GALNT13: variants seen among roughly 807,000 people sequenced by gnomAD.
The protein encoded by GALNT13 is UDP-GalNAc:polypeptide N-acetylgalactosaminyltransferase 13.
GALNT13 carries 28 observed loss-of-function variants against 64.2 expected under a neutral mutation model. The observed-to-expected ratio is 0.44, with a 90% CI of 0.32 to 0.60. The LOEUF (loss-of-function observed/expected upper bound fraction) is 0.60, where lower values mean the gene tolerates loss of function less well. GALNT13 is among the 20% of genes least tolerant of loss of function. The pLI, the probability that GALNT13 is intolerant of heterozygous loss-of-function variation, is 0.05. For missense variants in GALNT13, 577 were observed against 669.8 expected (o/e 0.86, Z 1.53); for synonymous variants, 214 against 224.6 (o/e 0.95, Z 0.42).
chr2:153,874,222 A>T (rs777840443), intron 1 of GALNT13, among the ~76,000 whole-genome samples: 2 of 151,502 alleles, frequency 1.3e-5, no homozygotes, highest in Non-Finnish European at 2.9e-5. Flanking sequence ...CCTAAGGCAG[A>T]CTTTGAACAT....
At chr2:153,771,511 A>G in the GALNT13 span, among the ~76,000 whole-genome samples, 1 of 152,084 alleles carries the variant, frequency 6.6e-6, no homozygotes, top group Non-Finnish European at 1.5e-5. Flanking sequence ...TTGCACCAAG[A>G]TTTCTGCAAA....
chr2:153,744,069 T>C, the GALNT13 span, among the ~76,000 whole-genome samples: 1 of 152,142 alleles, frequency 6.6e-6, no homozygotes, highest in African/African-American at 2.4e-5. Context: ...TTTTAATCCA[T>C]CCACCTGTTG....
chr2:153,163,578 G>A, the GALNT13 span, among the ~76,000 whole-genome samples: 4 of 152,020 alleles, frequency 2.6e-5, no homozygotes, highest in South Asian at 8.3e-4. Context: ...AAATGACCCC[G>A]AGATTAACAA....
chr2:153,770,033 A>G, the GALNT13 span, among the ~76,000 whole-genome samples: 2 of 152,114 alleles, frequency 1.3e-5, no homozygotes, highest in African/African-American at 2.4e-5. Context: ...CTTCTTTAAA[A>G]TGAACATTTT....
At chr2:153,600,474 A>G in the GALNT13 span, among the ~76,000 whole-genome samples, 164 of 152,136 alleles carry the variant, frequency 1.1e-3, 1 homozygote, top group Middle Eastern at 0.01. Context: ...TTTGGCTTAT[A>G]TAACTCAATA....
At chr2:153,815,999 T>C in the GALNT13 span, among the ~76,000 whole-genome samples, 4 of 152,194 alleles carry the variant, frequency 2.6e-5, no homozygotes, top group Non-Finnish European at 4.4e-5. Flanking sequence ...ATTCACTCAC[T>C]CACAAGTATG....
At chr2:153,581,864 A>C in the GALNT13 span, among the ~76,000 whole-genome samples, 21 of 152,022 alleles carry the variant, frequency 1.4e-4, no homozygotes, top group African/African-American at 4.3e-4. Context: ...GACTACATTT[A>C]TTTCTTTTCT....
chr2:153,875,215 C>G (rs1484142510), intron 1 of GALNT13, among the ~76,000 whole-genome samples: 2 of 151,944 alleles, frequency 1.3e-5, no homozygotes, highest in African/African-American at 4.8e-5. Context: ...TAATAGAAAT[C>G]CATGGGCAGC....
chr2:153,226,826 A>T, the GALNT13 span, among the ~76,000 whole-genome samples: 1 of 152,352 alleles, frequency 6.6e-6, no homozygotes, highest in East Asian at 1.9e-4. Context: ...AACATAATGC[A>T]TCCAGCTCGG....
the GALNT13 span, among the ~76,000 whole-genome samples, chr2:153,520,327 G>A: frequency 7.7e-6 from 1 of 130,076 alleles, no homozygotes; most frequent in Non-Finnish European, 1.7e-5. Context: ...GGGAAGGTTA[G>A]CAGCTAAATT....
At chr2:154,089,631 T>C (rs1701701894) in intron 3 of GALNT13, among the ~76,000 whole-genome samples, 2 of 152,024 alleles carry the variant, frequency 1.3e-5, no homozygotes, top group African/African-American at 4.8e-5. Flanking sequence ...GGGAGCCCTA[T>C]TGTTCTTGGC....
chr2:154,330,890 G>C (rs1013288558), intron 9 of GALNT13, among the ~76,000 whole-genome samples: 1 of 151,990 alleles, frequency 6.6e-6, no homozygotes, highest in Non-Finnish European at 1.5e-5. Context: ...AATTCCCTTT[G>C]ATATCATGTA....
rs572929318 is a variant in GALNT13, at chr2:154,247,811, C to T, written c.857+1829C>T. Among the ~76,000 whole-genome samples, 288 of 152,126 alleles carry T rather than the reference C, an allele frequency of 1.9e-3. 2 individuals carry two copies. Among genetic ancestry groups the T allele is most frequent in the Non-Finnish European group, 2.1e-3 (144 of 67,938 alleles). On this transcript the variant is annotated intron_variant, in intron 7 of 12. Transcript: ENST00000392825. Reference sequence around the variant, plus strand: ...TTTATTTTCTAACATGCTGAGGAAGCTGAAGTGAGAGAAACAGAGAAACCT... The same window carrying T: ...TTTATTTTCTAACATGCTGAGGAAGTTGAAGTGAGAGAAACAGAGAAACCT...
intron 9 of GALNT13, among the ~76,000 whole-genome samples, chr2:154,365,067 CG>C (rs1697293600): frequency 6.6e-6 from 1 of 152,292 alleles, no homozygotes; most frequent in South Asian, 2.1e-4. Context: ...AGTTCAACAT[CG>C]TTCAATTTTC....
chr2:153,352,938 TC>T, the GALNT13 span, among the ~76,000 whole-genome samples: 1 of 152,100 alleles, frequency 6.6e-6, no homozygotes. Flanking sequence ...CTATCCTGAA[TC>T]TTTTGCCTCT....
At chr2:153,257,446 G>T in the GALNT13 span, among the ~76,000 whole-genome samples, 1 of 152,024 alleles carries the variant, frequency 6.6e-6, no homozygotes, top group African/African-American at 2.4e-5. Flanking sequence ...GTAGACCTGA[G>T]CTGTTCCTAT....
intron 3 of GALNT13, among the ~76,000 whole-genome samples, chr2:154,110,536 G>A (rs891002919): frequency 1.3e-5 from 2 of 151,218 alleles, no homozygotes; most frequent in Non-Finnish European, 2.9e-5. Context: ...GATGTTCGAG[G>A]GCAGAAAGCA....
chr2:153,868,828 T>A (rs562427826), upstream of GALNT13, among the ~76,000 whole-genome samples: 2 of 152,342 alleles, frequency 1.3e-5, no homozygotes, highest in Admixed American at 1.3e-4. Context: ...TCTAAGCAAA[T>A]ACTTGCAATA....
the GALNT13 span, among the ~76,000 whole-genome samples, chr2:153,257,765 A>G: frequency 6.6e-6 from 1 of 152,192 alleles, no homozygotes; most frequent in Non-Finnish European, 1.5e-5. Flanking sequence ...TTCTTAACTT[A>G]TGGCAATATA....
Sources: gnomAD v4.1 joint callset for allele counts (sites outside exome capture counted in the v4.1 genomes callset) on GRCh38, gnomAD v4.1.1 for gene constraint, MANE v1.5 for transcripts, NCBI Gene and HGNC (gene_info 2026-07-23, HGNC 2026-07-21) for gene names.